DNAI2: variants seen among roughly 807,000 people sequenced by gnomAD.
DNAI2 encodes the protein dynein axonemal intermediate chain 2.
In DNAI2, 63 loss-of-function variants were observed where a neutral mutation model predicts 74.7. The observed-to-expected ratio is 0.84, with a 90% CI of 0.69 to 1.04. The LOEUF (loss-of-function observed/expected upper bound fraction) is 1.04. Ranked by LOEUF, DNAI2 falls within the 50% of genes least tolerant of loss-of-function variation. The pLI is 0.00. For missense variants in DNAI2, 688 were observed against 803.2 expected, an observed-to-expected ratio of 0.86 and a Z score of 1.73; for synonymous variants, 289 against 314.9, an observed-to-expected ratio of 0.92 and a Z score of 0.87.
intron 8 of DNAI2, among the ~76,000 whole-genome samples, chr17:74,303,302 C>T (rs1368158620): frequency 3.3e-5 from 5 of 152,132 alleles, no homozygotes; most frequent in South Asian, 4.1e-4. Flanking sequence ...GCTAGAGGCA[C>T]GATGGGCCAC....
chr17:74,288,623 C>A (rs1367250163), intron 4 of DNAI2, among the ~76,000 whole-genome samples: 2 of 152,100 alleles, frequency 1.3e-5, no homozygotes, highest in Non-Finnish European at 2.9e-5. Context: ...ATACCCCATC[C>A]CAGAGCACCT....
At chr17:74,309,845 C>T in intron 10 of DNAI2, 172 bp from the exon 11 acceptor site, 1 of 827,080 alleles carries the variant, frequency 1.2e-6, no homozygotes, top group South Asian at 1.5e-5. Flanking sequence ...GGCAGGGAAG[C>T]CAGGAGCCTT....
chr17:74,282,125 G>GA (rs942579102), intron 2 of DNAI2, 125 bp downstream of exon 2: 2 of 1,126,902 alleles, frequency 1.8e-6, no homozygotes, highest in African/African-American at 1.5e-5. Flanking sequence ...ACCAAATGCA[G>GA]ATGCTGGAAG....
intron 12 of DNAI2, 179 bp from the exon 13 acceptor site, chr17:74,313,942 C>G: frequency 1.1e-6 from 1 of 906,628 alleles, no homozygotes; most frequent in Non-Finnish European, 1.7e-6. Context: ...GCTCTGCCCA[C>G]TTTCCGCACT....
chr17:74,305,520 G>A (rs1043332914), intron 9 of DNAI2, 78 bp downstream of exon 9: 8 of 1,347,778 alleles, frequency 5.9e-6, no homozygotes, highest in Non-Finnish European at 8.3e-6. Flanking sequence ...GCCCCGGAGA[G>A]TCCCGAGCCT....
intron 8 of DNAI2, among the ~76,000 whole-genome samples, chr17:74,304,665 A>G (rs1488046471): frequency 2.0e-5 from 3 of 152,188 alleles, no homozygotes; most frequent in Non-Finnish European, 4.4e-5. Flanking sequence ...TGCCCCTCAA[A>G]GAGCTCACCC....
chr17:74,309,554 G>A lies in DNAI2; in HGVS notation c.1347+166G>A, dbSNP rs376793537. On this transcript the variant is annotated intron_variant, in intron 10 of 13. Coordinates refer to ENST00000311014, the MANE Select transcript of DNAI2 (RefSeq NM_023036.6). Reference sequence around the variant, plus strand: ...CTGACTGCAGCGATTGCTTTTGAGCGTGTGCTCCTACAAAGGTTAAGGGGC... The same window carrying A: ...CTGACTGCAGCGATTGCTTTTGAGCATGTGCTCCTACAAAGGTTAAGGGGC... 8.6e-4 allele frequency: 797 copies of A among 925,668 alleles called. 5 individuals are homozygous for A. In the African/African-American group the frequency reaches 0.01, roughly 12 times the overall value. The allele number at this position is 925,668 out of a possible 1,614,324, so 57.3% of individuals were successfully genotyped here.
intron 6 of DNAI2, among the ~76,000 whole-genome samples, chr17:74,297,752 C>G (rs2052533979): frequency 6.6e-6 from 1 of 151,824 alleles, no homozygotes; most frequent in South Asian, 2.1e-4. Flanking sequence ...CTCTGAATGT[C>G]CCTACCTGCT....
chr17:74,292,144 C>T lies in DNAI2; in HGVS notation c.724+1011C>T, dbSNP rs1005854233. Among the ~76,000 whole-genome samples, 12 of 152,334 alleles carry T rather than the reference C, an allele frequency of 7.9e-5. No homozygotes were observed. In the South Asian group the frequency reaches 1.0e-3, roughly 13 times the overall value. On this transcript the variant is annotated intron_variant, in intron 6 of 13. Coordinates refer to ENST00000311014, the MANE Select transcript of DNAI2 (RefSeq NM_023036.6). ...CCTTCCAAAGTACTGGGATTACTGG[C>T]GTGAGCCACCATGCCTGGCCGCTAT...
chr17:74,309,023 A>T (rs2053346324), intron 9 of DNAI2, among the ~76,000 whole-genome samples: 1 of 145,684 alleles, frequency 6.9e-6, no homozygotes, highest in African/African-American at 2.6e-5. Context: ...ACATCGTACC[A>T]CTGCACTCCA....
chr17:74,299,064 C>T (rs772386014), intron 6 of DNAI2, among the ~76,000 whole-genome samples: 153 of 152,210 alleles, frequency 1.0e-3, no homozygotes, highest in Non-Finnish European at 1.9e-3. Flanking sequence ...AGAAACAGCT[C>T]TGAGTGACAG....
chr17:74,294,706 T>C (rs1358386576), intron 6 of DNAI2, among the ~76,000 whole-genome samples: 1 of 152,230 alleles, frequency 6.6e-6, no homozygotes, highest in African/African-American at 2.4e-5. Flanking sequence ...GCTTTGATTA[T>C]GATGTTTCTA....
intron 5 of DNAI2, among the ~76,000 whole-genome samples, chr17:74,290,742 C>T (rs1434313339): frequency 2.6e-5 from 4 of 152,186 alleles, no homozygotes; most frequent in Non-Finnish European, 2.9e-5. Flanking sequence ...TCACACCAAA[C>T]CTAGGAACTG....
chr17:74,311,282 C>T (rs567178970), intron 11 of DNAI2, among the ~76,000 whole-genome samples: 1 of 152,312 alleles, frequency 6.6e-6, no homozygotes, highest in South Asian at 2.1e-4. Flanking sequence ...CTGCAGGCAA[C>T]CCCCCAGAAC....
At position 74,300,168 on chromosome 17, in the gene DNAI2, G is replaced by A. The variant is rs1451482369; in HGVS notation, c.864+311G>A. On this transcript the variant is annotated intron_variant, in intron 7 of 13. Transcript: ENST00000311014. This position sits in a 1 kb window ranked among gnomAD's most constrained non-coding sequence, Gnocchi z 4.5. ...TCACTATGTTGGCCAGGCTGGTCTC[G>A]AACTCTGACCTCAGGTGATCCACCC... 1.3e-5 allele frequency among the ~76,000 whole-genome samples: 2 copies of A among 152,150 alleles called. No homozygotes were observed. Among genetic ancestry groups the A allele is most frequent in the African/African-American group, 2.4e-5 (1 of 41,420 alleles).
In DNAI2 at chr17:74,296,297, A is replaced by T. The variant is rs537766870; in HGVS notation, c.725-3421A>T. ...TGAAACTAGCCTGTGCAGCATAGTG[A>T]GATCTTGCCTTTAAAGAGAGAGAGA... On this transcript the variant is annotated intron_variant, in intron 6 of 13. Coordinates refer to ENST00000311014, the MANE Select transcript of DNAI2 (RefSeq NM_023036.6). Among the ~76,000 whole-genome samples the T allele has an allele frequency of 1.2e-4, 17 of 144,354 alleles. No homozygotes were observed. In the South Asian group the frequency reaches 3.6e-3, roughly 31 times the overall value. The allele number at this position is 144,354 out of a possible 152,430, so 94.7% of individuals were successfully genotyped here.
In DNAI2 at chr17:74,305,233, G is replaced by T; in HGVS notation, c.1002G>T (p.Met334Ile). Residue 334 changes from methionine to isoleucine, a missense_variant, in exon 9 of 14, where the codon ATG becomes ATT. Coordinates refer to ENST00000311014, the MANE Select transcript of DNAI2 (RefSeq NM_023036.6). ...TCCTTCCACAGCCCACCAAGTTCAT[G>T]GTGGGGACCGAGCAGGGCATCGTCA... ...EFESTLPTKFMVGTEQGIVIS... is the reference protein window; with the variant it reads ...EFESTLPTKFIVGTEQGIVIS... 6.2e-7 allele frequency: 1 copy of T among 1,614,172 alleles called. No homozygotes were observed. The highest frequency in any genetic ancestry group is 8.5e-7 in the Non-Finnish European group (1 of 1,180,042).
rs564337753 is a variant in DNAI2 at position 74,309,293 on chromosome 17, G to C, written c.1252G>C (p.Val418Leu). The C allele has an allele frequency of 1.9e-6, 3 of 1,613,940 alleles. No homozygotes were observed. The highest frequency in any genetic ancestry group is 2.7e-5 in the African/African-American group (2 of 74,888). The change falls in exon 10 of 14, where the codon GTG becomes CTG. Residue 418 changes from valine to leucine, a missense_variant. By Grantham distance (32) the Val-to-Leu change is conservative. Coordinates refer to ENST00000311014, the MANE Select transcript of DNAI2 (RefSeq NM_023036.6). ...CCTCACTGATGCTGCCTGGAGCCCCGTGAGGCCGACCGTTTTCTTTACCAC... is the reference window on the plus strand; with the variant it reads ...CCTCACTGATGCTGCCTGGAGCCCCCTGAGGCCGACCGTTTTCTTTACCAC... ...AYLTDAAWSP[V>L]RPTVFFTTRM...
At chr17:74,274,606 A>G (rs1056190206) in intron 1 of DNAI2, among the ~76,000 whole-genome samples, 1 of 151,598 alleles carries the variant, frequency 6.6e-6, no homozygotes, top group African/African-American at 2.4e-5. Flanking sequence ...CCTCCTACCC[A>G]CTCAGGTCCT....
Sources: allele counts gnomAD v4.1 joint callset (sites outside exome capture counted in the v4.1 genomes callset), GRCh38; gene constraint gnomAD v4.1.1; non-coding constraint Gnocchi (gnomAD v3.1); transcripts MANE v1.5; gene names NCBI Gene and HGNC (gene_info 2026-07-23, HGNC 2026-07-21).